The following FAM81A variants were observed in gnomAD, a reference collection of about 807,000 sequenced individuals.
FAM81A encodes family with sequence similarity 81 member A, also known as protein FAM81A.
FAM81A carries 19 observed loss-of-function variants against 46.7 expected under a neutral mutation model. The ratio of observed to expected loss-of-function variants is 0.41; its 90% CI spans 0.28 to 0.60. FAM81A has a LOEUF of 0.60. Among genes scored for constraint, FAM81A ranks in the 20% least tolerant of loss-of-function variants. FAM81A has a pLI of 0.34. For missense variants in FAM81A, 377 were observed against 453.5 expected (o/e 0.83, Z 1.53); for synonymous variants, 183 against 152.9 (o/e 1.20, Z -1.45).
At chr15:59,440,209 G>C (rs1173171847) in intron 1 of FAM81A, 2 of 152,122 alleles carry the variant, frequency 1.3e-5, no homozygotes, top group East Asian at 1.9e-4. Flanking sequence ...AGAATCACCT[G>C]GGACATTTTG....
chr15:59,494,100 G>A (rs936851901), intron 4 of FAM81A, among the ~76,000 whole-genome samples: 9 of 152,122 alleles, frequency 5.9e-5, no homozygotes, highest in African/African-American at 2.2e-4. Flanking sequence ...TGCCTGGAAC[G>A]GTCTCTGGAA....
At chr15:59,450,053 G>C (rs1275797611) in intron 1 of FAM81A, among the ~76,000 whole-genome samples, 1 of 149,958 alleles carries the variant, frequency 6.7e-6, no homozygotes, top group Non-Finnish European at 1.5e-5. Flanking sequence ...CTCCTTGGTA[G>C]CTGGGACAAT....
intron 2 of FAM81A, among the ~76,000 whole-genome samples, chr15:59,415,200 C>G (rs1180605542): frequency 3.4e-5 from 5 of 148,994 alleles, no homozygotes; most frequent in African/African-American, 7.4e-5. Context: ...CTCACTGCAA[C>G]CTCCGCCTCC....
chr15:59,519,537 C>G (rs1446553895), intron 8 of FAM81A, among the ~76,000 whole-genome samples: 1 of 139,800 alleles, frequency 7.2e-6, no homozygotes, highest in African/African-American at 2.6e-5. Context: ...CTTTCTCTTT[C>G]TTTTCTTTCT....
At chr15:59,455,808 G>A (rs1341759743) in intron 1 of FAM81A, among the ~76,000 whole-genome samples, 1 of 152,166 alleles carries the variant, frequency 6.6e-6, no homozygotes, top group Non-Finnish European at 1.5e-5. Context: ...GGATGCCAAA[G>A]TCCCCATTCT....
At chr15:59,401,360 A>G in intron 1 of FAM81A, 3 of 788,042 alleles carry the variant, frequency 3.8e-6, no homozygotes, top group African/African-American at 3.4e-5. Context: ...ACCTTTGGTA[A>G]TAACACCCAA....
At chr15:59,459,212 C>G (rs1217625262) in intron 2 of FAM81A, among the ~76,000 whole-genome samples, 2 of 152,118 alleles carry the variant, frequency 1.3e-5, no homozygotes, top group Non-Finnish European at 2.9e-5. Flanking sequence ...GTTGCCCAGG[C>G]TGATCTTAAA....
chr15:59,423,556 T>C (rs1352155457), intron 2 of FAM81A, among the ~76,000 whole-genome samples: 10 of 152,194 alleles, frequency 6.6e-5, no homozygotes, highest in African/African-American at 2.4e-4. Context: ...CACAGCACAA[T>C]AACGTTTCTT....
chr15:59,462,029 C>G (rs1013528282), intron 3 of FAM81A, among the ~76,000 whole-genome samples: 14 of 151,904 alleles, frequency 9.2e-5, no homozygotes, highest in African/African-American at 2.9e-4. Context: ...CAGTGAAACC[C>G]CATCTCTACT....
intron 1 of FAM81A, among the ~76,000 whole-genome samples, chr15:59,451,625 G>C (rs1263977995): frequency 1.3e-5 from 2 of 152,056 alleles, no homozygotes; most frequent in Non-Finnish European, 2.9e-5. Context: ...GCTAATTTTT[G>C]TATTTTCAGT....
chr15:59,465,767 A>G (rs2081605043), intron 3 of FAM81A, among the ~76,000 whole-genome samples: 1 of 152,136 alleles, frequency 6.6e-6, no homozygotes, highest in South Asian at 2.1e-4. Context: ...ACATAGTTAT[A>G]CATGTGCCAT....
chr15:59,508,612 CCT>C (rs1227405307), intron 5 of FAM81A, among the ~76,000 whole-genome samples: 23 of 152,040 alleles, frequency 1.5e-4, no homozygotes, highest in Non-Finnish European at 1.5e-4. Flanking sequence ...TGGGCTTGCT[CCT>C]CAGAGAATTA....
At chr15:59,456,629 G>A (rs1311714370) in intron 1 of FAM81A, among the ~76,000 whole-genome samples, 1 of 152,160 alleles carries the variant, frequency 6.6e-6, no homozygotes, top group African/African-American at 2.4e-5. Context: ...AGGCTGGAGT[G>A]CAGTGGCGCT....
chr15:59,494,881 T>C (rs1241102801), intron 4 of FAM81A, among the ~76,000 whole-genome samples: 1 of 152,174 alleles, frequency 6.6e-6, no homozygotes, highest in Non-Finnish European at 1.5e-5. Context: ...TTTTTTCCCC[T>C]GTAAATCCAG....
At chr15:59,403,381 C>G (rs2081080438) in intron 2 of FAM81A, among the ~76,000 whole-genome samples, 1 of 152,142 alleles carries the variant, frequency 6.6e-6, no homozygotes, top group African/African-American at 2.4e-5. Context: ...GACATCCGAG[C>G]TCCCCCAACT....
chr15:59,471,783 G>A (rs963184319), intron 3 of FAM81A, among the ~76,000 whole-genome samples: 2 of 151,940 alleles, frequency 1.3e-5, no homozygotes, highest in African/African-American at 4.8e-5. Flanking sequence ...CTTGGCTCTG[G>A]CCTACATACA....
At chr15:59,407,290 C>CTTTTTTTTTTTTTTTTTTT (rs1567035679) in intron 2 of FAM81A, 1 of 105,348 alleles carries the variant, frequency 9.5e-6, no homozygotes. Flanking sequence ...TCTTTTCTTT[C>CTTTTTTTTTTTTTTTTTTT]CTTTTTTTTT....
chr15:59,451,695 C>T (rs2081420971), intron 1 of FAM81A, among the ~76,000 whole-genome samples: 1 of 152,130 alleles, frequency 6.6e-6, no homozygotes, highest in Non-Finnish European at 1.5e-5. Context: ...TCAAATGATC[C>T]GTCCACCTCG....
chr15:59,453,492 CAACT>C (rs1477593387), intron 1 of FAM81A, among the ~76,000 whole-genome samples: 7 of 152,142 alleles, frequency 4.6e-5, no homozygotes, highest in African/African-American at 1.7e-4. Flanking sequence ...CCAACTCAAC[CAACT>C]AAGGTGGGCC....
Sources: gnomAD v4.1 joint callset for allele counts (sites outside exome capture counted in the v4.1 genomes callset) on GRCh38, gnomAD v4.1.1 for gene constraint, MANE v1.5 for transcripts, NCBI Gene and HGNC (gene_info 2026-07-23, HGNC 2026-07-21) for gene names.